ENTREP2: variants seen among roughly 807,000 people sequenced by gnomAD.
ENTREP2 encodes endosomal transmembrane epsin interactor 2, also known as protein ENTREP2.
At chr15:29,196,105 A>G in the ENTREP2 span, among the ~76,000 whole-genome samples, 1 of 152,162 alleles carries the variant, frequency 6.6e-6, no homozygotes, top group Non-Finnish European at 1.5e-5. Flanking sequence ...CCCTGATGGT[A>G]TAACAGCCAA....
At chr15:29,520,952 G>T in the ENTREP2 span, among the ~76,000 whole-genome samples, 2 of 152,182 alleles carry the variant, frequency 1.3e-5, no homozygotes, top group African/African-American at 4.8e-5. Context: ...TATTCATAGG[G>T]CAGAGGACTC....
chr15:29,144,594 G>T, the ENTREP2 span, among the ~76,000 whole-genome samples: 1 of 152,160 alleles, frequency 6.6e-6, no homozygotes, highest in Non-Finnish European at 1.5e-5. Context: ...GCTGGGCATG[G>T]TGACGTGTGC....
chr15:29,484,048 C>A, the ENTREP2 span, among the ~76,000 whole-genome samples: 1 of 152,048 alleles, frequency 6.6e-6, no homozygotes, highest in Admixed American at 6.5e-5. Context: ...ACATGTGCAA[C>A]CCAGGAGGGC....
chr15:29,656,347 T>TC, the ENTREP2 span, among the ~76,000 whole-genome samples: 5 of 151,980 alleles, frequency 3.3e-5, no homozygotes, highest in Admixed American at 2.6e-4. Flanking sequence ...TGTGTCAGCC[T>TC]CCCGAGTAGC....
chr15:29,274,177 C>A, the ENTREP2 span, among the ~76,000 whole-genome samples: 1 of 152,178 alleles, frequency 6.6e-6, no homozygotes, highest in African/African-American at 2.4e-5. Context: ...CAAGGGGGGA[C>A]TACTATACAA....
the ENTREP2 span, among the ~76,000 whole-genome samples, chr15:29,524,977 T>C: frequency 2.6e-5 from 4 of 152,256 alleles, no homozygotes; most frequent in Non-Finnish European, 5.9e-5. Flanking sequence ...GATTTCACTA[T>C]TTCTTTACCT....
chr15:29,660,082 G>A, the ENTREP2 span, among the ~76,000 whole-genome samples: 2 of 152,130 alleles, frequency 1.3e-5, no homozygotes, highest in South Asian at 2.1e-4. Context: ...GATTTCAGGC[G>A]TGAGCCACCA....
the ENTREP2 span, chr15:29,136,993 T>C: frequency 1.4e-6 from 2 of 1,392,378 alleles, no homozygotes; most frequent in Non-Finnish European, 1.9e-6. Context: ...CTGCTGCCCA[T>C]CTTAGTGGTT....
At chr15:29,623,012 TG>T in the ENTREP2 span, among the ~76,000 whole-genome samples, 2 of 152,212 alleles carry the variant, frequency 1.3e-5, no homozygotes, top group Non-Finnish European at 2.9e-5. Context: ...TTTACGATGA[TG>T]TTTGAGTTCC....
chr15:29,342,788 G>A, the ENTREP2 span, among the ~76,000 whole-genome samples: 5 of 151,994 alleles, frequency 3.3e-5, no homozygotes, highest in African/African-American at 9.7e-5. Context: ...CTCTGACCCC[G>A]CCCATTTTTC....
the ENTREP2 span, among the ~76,000 whole-genome samples, chr15:29,623,490 C>T: frequency 3.3e-5 from 5 of 152,122 alleles, no homozygotes; most frequent in African/African-American, 7.2e-5. Context: ...AGCAAGTAAA[C>T]GTGAAAAATG....
the ENTREP2 span, among the ~76,000 whole-genome samples, chr15:29,330,120 G>C: frequency 6.6e-6 from 1 of 152,102 alleles, no homozygotes; most frequent in South Asian, 2.1e-4. Context: ...CTTACTGATA[G>C]TATGTCCCCC....
the ENTREP2 span, among the ~76,000 whole-genome samples, chr15:29,310,894 C>T: frequency 6.9e-4 from 105 of 152,116 alleles, 1 homozygote; most frequent in East Asian, 0.019. Context: ...CCAATTACAG[C>T]GTGAGAATTA....
the ENTREP2 span, among the ~76,000 whole-genome samples, chr15:29,249,809 C>T: frequency 6.6e-6 from 1 of 152,088 alleles, no homozygotes; most frequent in Non-Finnish European, 1.5e-5. Flanking sequence ...ATGATGCCAG[C>T]ATCTGCTTGA....
the ENTREP2 span, among the ~76,000 whole-genome samples, chr15:29,664,882 T>C: frequency 3.3e-5 from 5 of 152,226 alleles, no homozygotes; most frequent in Admixed American, 3.3e-4. Flanking sequence ...TGTTACACTG[T>C]CTGGGATGCA....
the ENTREP2 span, among the ~76,000 whole-genome samples, chr15:29,344,204 A>C: frequency 6.6e-6 from 1 of 152,194 alleles, no homozygotes; most frequent in Non-Finnish European, 1.5e-5. Flanking sequence ...GAGACTTTCC[A>C]GGGAACAGGT....
At chr15:29,396,504 G>C in the ENTREP2 span, among the ~76,000 whole-genome samples, 1 of 152,128 alleles carries the variant, frequency 6.6e-6, no homozygotes, top group Non-Finnish European at 1.5e-5. Context: ...TATATGTTCT[G>C]GATAATAATT....
At chr15:29,268,524 T>G in the ENTREP2 span, 2 of 417,858 alleles carry the variant, frequency 4.8e-6, no homozygotes, top group East Asian at 7.1e-5. Flanking sequence ...ATAGTCAAGT[T>G]TTCCAATTCG....
the ENTREP2 span, among the ~76,000 whole-genome samples, chr15:29,373,175 G>T: frequency 0.14 from 20,629 of 151,496 alleles, 1,840 homozygotes; most frequent in African/African-American, 0.26. Context: ...AAAATAAAAA[G>T]AAAAAATAAA....
Sources: gnomAD v4.1 joint callset for allele counts (sites outside exome capture counted in the v4.1 genomes callset) on GRCh38, gnomAD v4.1.1 for gene constraint, MANE v1.5 for transcripts, NCBI Gene and HGNC (gene_info 2026-07-23, HGNC 2026-07-21) for gene names.